CCDC125: variants seen among roughly 807,000 people sequenced by gnomAD.
CCDC125 encodes the protein coiled-coil domain containing 125, also known as coiled-coil domain-containing protein 125.
In CCDC125, 43 loss-of-function variants were observed where a neutral mutation model predicts 57.4. The ratio of observed to expected loss-of-function variants is 0.75; its 90% CI spans 0.59 to 0.97. The LOEUF is 0.97. Among genes scored for constraint, CCDC125 ranks in the 50% least tolerant of loss-of-function variants. CCDC125 has a pLI of 0.00. For synonymous variants in CCDC125, 187 were observed against 195.2 expected (o/e 0.96, Z 0.35); for missense variants, 563 against 595.7 (o/e 0.95, Z 0.57).
At chr5:69,276,492 C>T (rs1215779671), downstream of CCDC125, 1 of 1,546,724 alleles carries the variant, frequency 6.5e-7, no homozygotes, top group Non-Finnish European at 8.9e-7. Context: ...TTTTCCTTAA[C>T]ACATTTCAGA....
At chr5:69,290,454 C>A (rs1344409832) in intron 10 of CCDC125, among the ~76,000 whole-genome samples, 1 of 149,754 alleles carries the variant, frequency 6.7e-6, no homozygotes, top group African/African-American at 2.5e-5. Context: ...AGGTGAGTGC[C>A]ATCACACCCA....
intron 1 of CCDC125, among the ~76,000 whole-genome samples, chr5:69,322,462 A>C (rs1198007164): frequency 6.6e-6 from 1 of 151,732 alleles, no homozygotes; most frequent in Non-Finnish European, 1.5e-5. Context: ...GGTGGCTCAC[A>C]CTTGTAATAC....
chr5:69,315,880 T>G (rs1759012167), intron 2 of CCDC125, among the ~76,000 whole-genome samples: 2 of 150,002 alleles, frequency 1.3e-5, no homozygotes, highest in South Asian at 2.1e-4. Flanking sequence ...AACTGAGAAT[T>G]TAAATTGAGC....
At chr5:69,299,232 C>A (rs1168705836) in intron 8 of CCDC125, among the ~76,000 whole-genome samples, 2 of 152,102 alleles carry the variant, frequency 1.3e-5, no homozygotes, top group Non-Finnish European at 2.9e-5. Context: ...GCCTCAGCCT[C>A]CCAAGTAGCT....
intron 8 of CCDC125, among the ~76,000 whole-genome samples, chr5:69,296,162 A>G (rs1397292691): frequency 3.3e-5 from 5 of 151,282 alleles, no homozygotes; most frequent in Non-Finnish European, 5.9e-5. Flanking sequence ...GATTACAGGC[A>G]TGAGCCATCG....
chr5:69,310,998 A>G (rs564852535), intron 4 of CCDC125, 120 bp downstream of exon 4: 2 of 545,306 alleles, frequency 3.7e-6, no homozygotes, highest in East Asian at 6.4e-5. Flanking sequence ...TTAAAAATAT[A>G]CATACCTAAA....
chr5:69,290,629 CTTTTTTTTT>C (rs373663120), intron 10 of CCDC125, among the ~76,000 whole-genome samples: 42 of 117,778 alleles, frequency 3.6e-4, no homozygotes, highest in African/African-American at 1.3e-3. Context: ...TCTTTTTTTT[CTTTTTTTTT>C]TTTTTTTGTT....
At chr5:69,283,967 A>G (rs1219787425) in intron 11 of CCDC125, among the ~76,000 whole-genome samples, 3 of 150,236 alleles carry the variant, frequency 2.0e-5, no homozygotes, top group Non-Finnish European at 4.4e-5. Flanking sequence ...AATTTTTTGT[A>G]TTTTTAGTAG....
At chr5:69,295,350 G>A (rs1755138148) in intron 8 of CCDC125, among the ~76,000 whole-genome samples, 1 of 152,004 alleles carries the variant, frequency 6.6e-6, no homozygotes, top group African/African-American at 2.4e-5. Flanking sequence ...CGAGGGAATT[G>A]TAATATATAA....
chr5:69,297,385 GT>G (rs1266168884), intron 8 of CCDC125, among the ~76,000 whole-genome samples: 1 of 151,428 alleles, frequency 6.6e-6, no homozygotes, highest in Non-Finnish European at 1.5e-5. Context: ...CTGAGACAGA[GT>G]TTTGCTCTCG....
chr5:69,294,203 A>G (rs746539442), intron 9 of CCDC125: 925 of 861,528 alleles, frequency 1.1e-3, no homozygotes, highest in Non-Finnish European at 1.2e-3. Context: ...TCTATTATAT[A>G]GTAATTTTAG....
intron 4 of CCDC125, chr5:69,310,011 A>G (rs762962454): frequency 1.3e-5 from 2 of 152,122 alleles, no homozygotes; most frequent in Non-Finnish European, 2.9e-5. Flanking sequence ...TGGAATGGCT[A>G]TATACCTACA....
intron 7 of CCDC125, among the ~76,000 whole-genome samples, chr5:69,301,107 A>C (rs929225653): frequency 2.0e-5 from 3 of 151,426 alleles, no homozygotes; most frequent in African/African-American, 7.3e-5. Context: ...AAAAAAAAAA[A>C]AAAACCAGGT....
rs1280407435 is a variant in CCDC125, at chr5:69,325,919, C to T, written c.-40-5339G>A. 2.0e-5 allele frequency among the ~76,000 whole-genome samples: 3 copies of T among 151,064 alleles called. No homozygotes were observed. The East Asian group carries it at 5.9e-4, about 30-fold the overall frequency. ...GTGCAGTGATGGCATCCACAGCTCA[C>T]TGCAGCCTCGACCTCTTAGGCTCAA... On this transcript the variant is annotated intron_variant, in intron 1 of 11. Coordinates refer to ENST00000396496, the MANE Select transcript of CCDC125 (RefSeq NM_176816.5).
intron 1 of CCDC125, among the ~76,000 whole-genome samples, chr5:69,324,014 T>G (rs949846440): frequency 5.1e-4 from 78 of 152,088 alleles, no homozygotes; most frequent in African/African-American, 1.8e-3. Context: ...TCTCTAAATA[T>G]CCTGCTGTTT....
downstream of CCDC125, among the ~76,000 whole-genome samples, chr5:69,278,745 G>T (rs995394877): frequency 7.6e-6 from 1 of 132,436 alleles, no homozygotes; most frequent in Non-Finnish European, 1.5e-5. Flanking sequence ...CTGTTGCCCA[G>T]GTTGGAGTGT....
chr5:69,278,621 G>T (rs555700047), downstream of CCDC125, among the ~76,000 whole-genome samples: 1 of 151,820 alleles, frequency 6.6e-6, no homozygotes, highest in African/African-American at 2.4e-5. Flanking sequence ...TTCTGTAAGA[G>T]TGCATGTAGT....
chr5:69,294,032 A>T, intron 9 of CCDC125: 1 of 434,644 alleles, frequency 2.3e-6, no homozygotes, highest in Non-Finnish European at 3.1e-6. Context: ...CCAAAGCCAC[A>T]CAGCTAGTAA....
rs1561459603 is a variant in CCDC125 at position 69,311,181 on chromosome 5, T to C, written c.390A>G (p.Glu130=). Residue 130 remains glutamate, a synonymous_variant, in exon 4 of 12, where the codon GAA becomes GAG. Coordinates refer to ENST00000396496, the MANE Select transcript of CCDC125 (RefSeq NM_176816.5). ...TLEEVEMLKT[E]LEASQRQLRG... is the part of the protein sequence containing the mutation. ...TGAGTTGTCTTTGAGATGCCTCAAG[T>C]TCAGTTTTTAACATTTCTACCTCCT... is the stretch of plus-strand genomic sequence containing the variant. 1.2e-6 allele frequency: 2 copies of C among 1,610,074 alleles called. No homozygotes were observed. The highest frequency in any genetic ancestry group is 2.2e-5 in the East Asian group (1 of 44,782).
Sources: allele counts gnomAD v4.1 joint callset (sites outside exome capture counted in the v4.1 genomes callset), GRCh38; gene constraint gnomAD v4.1.1; transcripts MANE v1.5; gene names NCBI Gene and HGNC (gene_info 2026-07-23, HGNC 2026-07-21).